Variants in TSPAN16 observed in about 807,000 individuals in gnomAD.
TSPAN16 encodes the protein tetraspanin-16.
A neutral mutation model predicts 25.2 loss-of-function variants in TSPAN16; 23 were observed. That is an observed-to-expected ratio of 0.91 (90% confidence interval 0.66 to 1.29). TSPAN16 has a LOEUF of 1.29. Ranked by LOEUF, TSPAN16 falls within the 50% of genes most tolerant of loss-of-function variation. The probability of loss-of-function intolerance (pLI) is 0.00; values close to 1 mark genes in which losing one functional copy is unlikely to be tolerated. For missense variants in TSPAN16, 272 were observed against 299.9 expected (o/e 0.91, Z 0.69); for synonymous variants, 123 against 124.4 (o/e 0.99, Z 0.08).
At chr19:11,304,650 G>A (rs1247968703) in intron 4 of TSPAN16, among the ~76,000 whole-genome samples, 1 of 151,592 alleles carries the variant, frequency 6.6e-6, no homozygotes, top group Admixed American at 6.6e-5. Flanking sequence ...TCAGCCTCCT[G>A]AGTAGCTGGG....
chr19:11,320,163 C>G (rs1283139381), downstream of TSPAN16, among the ~76,000 whole-genome samples: 3 of 136,906 alleles, frequency 2.2e-5, no homozygotes, highest in Non-Finnish European at 4.6e-5. Context: ...CTCTTGTCAT[C>G]CAGGCTGGAG....
At chr19:11,325,667 T>G in intron 6 of TSPAN16, 1 of 1,351,292 alleles carries the variant, frequency 7.4e-7, no homozygotes, top group South Asian at 1.3e-5. Context: ...ACCTGGCTTC[T>G]AAGCCTAGTT....
chr19:11,315,266 A>AATAATG (rs2080735506), intron 6 of TSPAN16, among the ~76,000 whole-genome samples: 2 of 130,084 alleles, frequency 1.5e-5, no homozygotes, highest in Non-Finnish European at 3.2e-5. Flanking sequence ...TAATAATAAT[A>AATAATG]ATAATAATAG....
chr19:11,306,808 T>A, intron 5 of TSPAN16, 52 bp downstream of exon 5: 1 of 1,525,036 alleles, frequency 6.6e-7, no homozygotes, highest in Middle Eastern at 1.8e-4. Context: ...GGCTGGTGAC[T>A]TCATTTTTAT....
intron 3 of TSPAN16, 84 bp from the exon 4 acceptor site, chr19:11,301,117 C>A: frequency 2.6e-6 from 3 of 1,155,684 alleles, no homozygotes; most frequent in Non-Finnish European, 2.6e-6. Context: ...CTCCCACCTC[C>A]CACTCTATCC....
rs563594132 is a variant in TSPAN16, at chr19:11,306,724, C to G, written c.571C>G (p.Arg191Gly). Residue 191 changes from arginine (R) to glycine (G), a missense_variant, in exon 5 of 7, where the codon CGC becomes GGC. Physicochemically the swap from Arg to Gly is moderately radical, Grantham distance 125. Transcript: ENST00000590327. Reference sequence around the variant, plus strand: ...CATCGGAAGTGTGTCCTGTGACGGACGCGATGTGTCTCCAAACGTCATCCA... The same window carrying G: ...CATCGGAAGTGTGTCCTGTGACGGAGGCGATGTGTCTCCAAACGTCATCCA... ...KSIGSVSCDG[R>G]DVSPNVIHQK... The G allele has an allele frequency of 6.2e-7, 1 of 1,614,086 alleles. No individual in the cohort carries two copies. The highest frequency in any genetic ancestry group is 1.1e-5 in the South Asian group (1 of 91,068).
chr19:11,308,493 C>T (rs143428984), intron 5 of TSPAN16, among the ~76,000 whole-genome samples: 117 of 143,818 alleles, frequency 8.1e-4, no homozygotes, highest in African/African-American at 2.6e-3. Flanking sequence ...TTTTTTGAGA[C>T]GGAGTCTTGC....
chr19:11,306,833 GAGAA>G, intron 5 of TSPAN16, 77 bp downstream of exon 5: 4 of 1,444,136 alleles, frequency 2.8e-6, no homozygotes, highest in Non-Finnish European at 3.8e-6. Context: ...ATCTTATTTT[GAGAA>G]AGAGTTTCAC....
chr19:11,326,462 G>T (rs1358470090), intron 6 of TSPAN16, among the ~76,000 whole-genome samples: 2 of 152,176 alleles, frequency 1.3e-5, no homozygotes, highest in Non-Finnish European at 2.9e-5. Context: ...GGCAGTGGCT[G>T]CAAGAGTATA....
intron 5 of TSPAN16, among the ~76,000 whole-genome samples, chr19:11,308,542 C>A (rs1468633897): frequency 6.6e-6 from 1 of 151,650 alleles, no homozygotes; most frequent in Non-Finnish European, 1.5e-5. Flanking sequence ...GCAATCTTGG[C>A]TTACTGCAAG....
At chr19:11,322,822 C>A (rs1381876641) in intron 6 of TSPAN16, 1 of 152,212 alleles carries the variant, frequency 6.6e-6, no homozygotes, top group African/African-American at 2.4e-5. Context: ...TGTTTCTCAT[C>A]ACACAGGTGA....
At chr19:11,301,407 A>C in intron 4 of TSPAN16, 99 bp downstream of exon 4, 1 of 802,596 alleles carries the variant, frequency 1.2e-6, no homozygotes. Context: ...TGGGAGGCCG[A>C]GGTGGGAGGA....
At chr19:11,297,038 C>T (rs1225138337) in intron 1 of TSPAN16, among the ~76,000 whole-genome samples, 1 of 151,868 alleles carries the variant, frequency 6.6e-6, no homozygotes, top group South Asian at 2.1e-4. Context: ...GAGACTCTGT[C>T]TCAATAAAAA....
chr19:11,316,086 G>GTGT, downstream of TSPAN16: 2 of 256,318 alleles, frequency 7.8e-6, no homozygotes, highest in Non-Finnish European at 6.0e-6. Flanking sequence ...AATTATTCTT[G>GTGT]GTGTGTGTGT....
At chr19:11,326,662 G>T in intron 6 of TSPAN16, 1 of 603,004 alleles carries the variant, frequency 1.7e-6, no homozygotes. Flanking sequence ...GGGGTGTAGT[G>T]GTATGAACAT....
chr19:11,302,678 TACACACACACACAC>T (rs144679719), intron 4 of TSPAN16, among the ~76,000 whole-genome samples: 15 of 126,558 alleles, frequency 1.2e-4, no homozygotes. Flanking sequence ...TATATATATA[TACACACACACACAC>T]ACACACACAC....
At chr19:11,300,970 G>T in intron 3 of TSPAN16, 1 of 498,390 alleles carries the variant, frequency 2.0e-6, no homozygotes. Flanking sequence ...TGGGTACAGA[G>T]AGATACGCTT....
intron 4 of TSPAN16, among the ~76,000 whole-genome samples, chr19:11,302,634 C>T (rs1189535965): frequency 3.5e-4 from 47 of 134,980 alleles, no homozygotes; most frequent in African/African-American, 1.4e-3. Flanking sequence ...TATATATATA[C>T]ACACATACAT....
intron 6 of TSPAN16, chr19:11,323,005 A>C (rs901073842): frequency 1.3e-5 from 2 of 151,396 alleles, no homozygotes; most frequent in East Asian, 3.9e-4. Context: ...CCAGCTACTT[A>C]GGAGGCTGAG....
Sources: gnomAD v4.1 joint callset for allele counts (sites outside exome capture counted in the v4.1 genomes callset) on GRCh38, gnomAD v4.1.1 for gene constraint, MANE v1.5 for transcripts, NCBI Gene and HGNC (gene_info 2026-07-23, HGNC 2026-07-21) for gene names.